Variants in RIGI observed in about 807,000 individuals in gnomAD.
RIGI encodes antiviral innate immune response receptor RIG-I.
the RIGI span, among the ~76,000 whole-genome samples, chr9:32,512,183 A>G: frequency 6.6e-6 from 1 of 152,196 alleles, no homozygotes; most frequent in Non-Finnish European, 1.5e-5. Flanking sequence ...ATTCCCAACA[A>G]TAGAAAAAGA....
At chr9:32,516,273 G>A in the RIGI span, among the ~76,000 whole-genome samples, 2 of 152,110 alleles carry the variant, frequency 1.3e-5, no homozygotes, top group Non-Finnish European at 2.9e-5. Context: ...AGTGGGTCAG[G>A]GAGATGGAGT....
chr9:32,467,950 G>A, the RIGI span: 2 of 1,555,694 alleles, frequency 1.3e-6, no homozygotes, highest in Admixed American at 1.9e-5. Context: ...AGAGTAAGAG[G>A]GCATTATACA....
the RIGI span, chr9:32,488,942 C>A: frequency 6.8e-7 from 1 of 1,470,106 alleles, no homozygotes; most frequent in South Asian, 1.4e-5. Context: ...AGATATTTCT[C>A]TGGAAAGGTG....
the RIGI span, among the ~76,000 whole-genome samples, chr9:32,463,072 C>T: frequency 6.6e-6 from 1 of 151,744 alleles, no homozygotes; most frequent in African/African-American, 2.4e-5. Flanking sequence ...TTGCAGTGAG[C>T]CAATATCACA....
the RIGI span, among the ~76,000 whole-genome samples, chr9:32,472,160 A>G: frequency 6.6e-6 from 1 of 152,172 alleles, no homozygotes; most frequent in Non-Finnish European, 1.5e-5. Flanking sequence ...AAAATTGTAA[A>G]ATACATAATA....
At chr9:32,509,805 T>C in the RIGI span, among the ~76,000 whole-genome samples, 1 of 151,864 alleles carries the variant, frequency 6.6e-6, no homozygotes, top group African/African-American at 2.4e-5. Flanking sequence ...TAAAGGAGCA[T>C]GTTCTAACCC....
At chr9:32,482,871 A>G in the RIGI span, among the ~76,000 whole-genome samples, 2 of 151,664 alleles carry the variant, frequency 1.3e-5, no homozygotes, top group Non-Finnish European at 2.9e-5. Flanking sequence ...AAAAAAATCA[A>G]GGAGGAGATT....
chr9:32,508,239 ATTT>A, the RIGI span, among the ~76,000 whole-genome samples: 44 of 70,336 alleles, frequency 6.3e-4, 2 homozygotes, highest in African/African-American at 2.3e-4. Context: ...TATTTACTTA[ATTT>A]TTTTTTTTTT....
At chr9:32,483,675 C>A in the RIGI span, among the ~76,000 whole-genome samples, 4 of 94,106 alleles carry the variant, frequency 4.3e-5, no homozygotes, top group Non-Finnish European at 6.2e-5. Context: ...ATCATCCCAC[C>A]CCACTGCTTA....
At chr9:32,520,013 A>G in the RIGI span, among the ~76,000 whole-genome samples, 1 of 152,208 alleles carries the variant, frequency 6.6e-6, no homozygotes, top group Non-Finnish European at 1.5e-5. Context: ...AAATAGCTGA[A>G]AAGAAATTAC....
chr9:32,485,074 T>A, the RIGI span: 7 of 807,004 alleles, frequency 8.7e-6, no homozygotes, highest in African/African-American at 1.0e-4. Flanking sequence ...CTGGATATGG[T>A]CTTGACATTG....
At chr9:32,520,561 A>T in the RIGI span, among the ~76,000 whole-genome samples, 1 of 152,336 alleles carries the variant, frequency 6.6e-6, no homozygotes, top group African/African-American at 2.4e-5. Flanking sequence ...CATGAGACAT[A>T]GGGCTAGAAA....
chr9:32,494,329 G>C, the RIGI span, among the ~76,000 whole-genome samples: 3 of 151,922 alleles, frequency 2.0e-5, no homozygotes, highest in African/African-American at 7.2e-5. Flanking sequence ...AAGGCAAAAA[G>C]AAATATAAAC....
the RIGI span, among the ~76,000 whole-genome samples, chr9:32,495,769 C>T: frequency 6.7e-6 from 1 of 150,282 alleles, no homozygotes; most frequent in Admixed American, 6.7e-5. Flanking sequence ...AAGCAATTCT[C>T]CTGCCACAGC....
the RIGI span, chr9:32,487,637 T>C: frequency 6.2e-7 from 1 of 1,611,854 alleles, no homozygotes; most frequent in Non-Finnish European, 8.5e-7. Flanking sequence ...CAATGACCTG[T>C]AAGGAGCATT....
At chr9:32,462,894 G>A in the RIGI span, among the ~76,000 whole-genome samples, 86 of 152,244 alleles carry the variant, frequency 5.6e-4, no homozygotes, top group African/African-American at 2.0e-3. Flanking sequence ...AGTAGCTCAC[G>A]CCTGTAATCC....
chr9:32,506,035 G>A, the RIGI span, among the ~76,000 whole-genome samples: 2 of 152,062 alleles, frequency 1.3e-5, no homozygotes, highest in South Asian at 2.1e-4. Flanking sequence ...TGGCCAACAT[G>A]GTGAAACCCC....
chr9:32,516,740 G>A, the RIGI span, among the ~76,000 whole-genome samples: 9 of 152,188 alleles, frequency 5.9e-5, no homozygotes, highest in Non-Finnish European at 7.3e-5. Context: ...TCTAGAGAGC[G>A]TGTTTGTAAT....
chr9:32,459,341 G>T, the RIGI span: 2 of 1,607,798 alleles, frequency 1.2e-6, no homozygotes, highest in South Asian at 2.2e-5. Context: ...GCTAAAACAT[G>T]ACCAGGCACT....
Sources: allele counts gnomAD v4.1 joint callset (sites outside exome capture counted in the v4.1 genomes callset), GRCh38; gene constraint gnomAD v4.1.1; transcripts MANE v1.5; gene names NCBI Gene and HGNC (gene_info 2026-07-23, HGNC 2026-07-21).